RBPMS: variants seen among roughly 807,000 people sequenced by gnomAD.
RBPMS encodes the protein RNA binding protein, mRNA processing factor, also known as RNA-binding protein with multiple splicing.
Under a neutral mutation model 26.8 loss-of-function variants are expected in RBPMS, and 7 were observed. That is an observed-to-expected ratio of 0.26 (90% CI 0.15 to 0.49). RBPMS has a LOEUF of 0.49. Among genes scored for constraint, RBPMS ranks in the 20% least tolerant of loss-of-function variants. The pLI is 0.98. For synonymous variants in RBPMS, 96 were observed against 93.3 expected, an observed-to-expected ratio of 1.03 and a Z score of -0.17; for missense variants, 186 against 250.0, an observed-to-expected ratio of 0.74 and a Z score of 1.73.
intron 5 of RBPMS, among the ~76,000 whole-genome samples, chr8:30,539,928 A>C (rs1044343040): frequency 6.6e-6 from 1 of 152,050 alleles, no homozygotes; most frequent in African/African-American, 2.4e-5. Context: ...ATCTGGCCCA[A>C]ATGGTTGATT....
chr8:30,565,203 G>A (rs1319306191), intron 7 of RBPMS: 4 of 152,212 alleles, frequency 2.6e-5, no homozygotes, highest in African/African-American at 9.7e-5. Context: ...TGGGGAAAAT[G>A]TTTTCTTCCT....
intron 5 of RBPMS, among the ~76,000 whole-genome samples, chr8:30,516,772 T>TACGGACTAC: frequency 6.6e-6 from 1 of 152,168 alleles, no homozygotes; most frequent in Admixed American, 6.5e-5. Flanking sequence ...CATACGCCTG[T>TACGGACTAC]AGTCCCAGCT....
At chr8:30,486,501 C>T (rs1282493285) in intron 4 of RBPMS, among the ~76,000 whole-genome samples, 4 of 150,874 alleles carry the variant, frequency 2.7e-5, no homozygotes, top group East Asian at 3.9e-4. Flanking sequence ...GGCATGGTGG[C>T]GGCTGCCTGT....
intron 5 of RBPMS, among the ~76,000 whole-genome samples, chr8:30,538,834 C>A (rs777584851): frequency 6.6e-6 from 1 of 152,074 alleles, no homozygotes; most frequent in Non-Finnish European, 1.5e-5. Flanking sequence ...CTGCAAAGAC[C>A]CTGTTTCCAA....
chr8:30,431,343 C>T (rs576546759), intron 1 of RBPMS, among the ~76,000 whole-genome samples: 1 of 122,396 alleles, frequency 8.2e-6, no homozygotes, highest in Non-Finnish European at 1.7e-5. Context: ...TCTTTCTTTT[C>T]TTTTTTTTTC....
intron 1 of RBPMS, among the ~76,000 whole-genome samples, chr8:30,470,589 A>G (rs1224521695): frequency 6.6e-6 from 1 of 152,204 alleles, no homozygotes; most frequent in African/African-American, 2.4e-5. Context: ...ACATAATGTA[A>G]GTATTCAAAA....
intron 3 of RBPMS, among the ~76,000 whole-genome samples, chr8:30,478,616 C>T (rs532444829): frequency 9.9e-5 from 15 of 152,046 alleles, no homozygotes; most frequent in African/African-American, 3.4e-4. Flanking sequence ...TCTCCTGCCT[C>T]AGCCTCCCAA....
chr8:30,548,595 C>T (rs1027810814), intron 6 of RBPMS, among the ~76,000 whole-genome samples: 6 of 152,198 alleles, frequency 3.9e-5, no homozygotes, highest in East Asian at 3.8e-4. Context: ...ACAAGGCATG[C>T]GTGTCCCTTG....
chr8:30,569,293 C>T (rs1171918247), intron 8 of RBPMS, among the ~76,000 whole-genome samples: 1 of 152,174 alleles, frequency 6.6e-6, no homozygotes, highest in Admixed American at 6.5e-5. Flanking sequence ...ATTTGGGCCA[C>T]CTGCAAGTGA....
chr8:30,551,750 G>C (rs941276117), intron 6 of RBPMS, among the ~76,000 whole-genome samples: 2 of 152,100 alleles, frequency 1.3e-5, no homozygotes, highest in Non-Finnish European at 2.9e-5. Flanking sequence ...GCACCTAACT[G>C]GGACTCAGTT....
chr8:30,453,522 T>C (rs1814850068), intron 1 of RBPMS: 1 of 152,218 alleles, frequency 6.6e-6, no homozygotes. Context: ...ATTGTTCTCT[T>C]ATTACATTAT....
chr8:30,510,598 T>A (rs1191875724), intron 5 of RBPMS, among the ~76,000 whole-genome samples: 4 of 152,090 alleles, frequency 2.6e-5, no homozygotes, highest in Non-Finnish European at 5.9e-5. Flanking sequence ...ATTTCTTGAT[T>A]GATTGGCAGG....
intron 6 of RBPMS, chr8:30,552,982 T>C (rs1286503197): frequency 6.6e-6 from 1 of 152,390 alleles, no homozygotes; most frequent in Admixed American, 6.5e-5. Flanking sequence ...GCGGGGAGCA[T>C]GGCCTCCTCC....
At chr8:30,511,485 AAATATAT>A (rs1425528431) in intron 5 of RBPMS, among the ~76,000 whole-genome samples, 15 of 6,142 alleles carry the variant, frequency 2.4e-3, no homozygotes, top group African/African-American at 3.4e-3. Flanking sequence ...AAAAAAAAAA[AAATATAT>A]ATATATATAT....
chr8:30,412,176 T>C (rs1030525454), intron 1 of RBPMS, among the ~76,000 whole-genome samples: 1 of 152,220 alleles, frequency 6.6e-6, no homozygotes, highest in Non-Finnish European at 1.5e-5. Flanking sequence ...TTAGGCATCT[T>C]TCTTCCCCAG....
intron 5 of RBPMS, among the ~76,000 whole-genome samples, chr8:30,506,752 G>A (rs1821107025): frequency 6.6e-6 from 1 of 152,112 alleles, no homozygotes. Context: ...TGTTTCTTTT[G>A]GTTACTGTTT....
At chr8:30,555,824 G>T (rs1454756844) in intron 6 of RBPMS, 2 of 964,780 alleles carry the variant, frequency 2.1e-6, no homozygotes, top group Non-Finnish European at 2.5e-6. Flanking sequence ...CAAAAGCCCA[G>T]CAGAACAAGC....
At chr8:30,512,775 T>C (rs1368072218) in intron 5 of RBPMS, among the ~76,000 whole-genome samples, 1 of 152,204 alleles carries the variant, frequency 6.6e-6, no homozygotes, top group African/African-American at 2.4e-5. Context: ...TCTCACCTCA[T>C]GAACACTTTT....
At chr8:30,445,527 A>G (rs1263763432) in intron 1 of RBPMS, among the ~76,000 whole-genome samples, 1 of 151,646 alleles carries the variant, frequency 6.6e-6, no homozygotes, top group Non-Finnish European at 1.5e-5. Flanking sequence ...TTTCTTTTAA[A>G]AATTCTCTGT....
Sources: allele counts gnomAD v4.1 joint callset (sites outside exome capture counted in the v4.1 genomes callset), GRCh38; gene constraint gnomAD v4.1.1; transcripts MANE v1.5; gene names NCBI Gene and HGNC (gene_info 2026-07-23, HGNC 2026-07-21).